The following ZDHHC21 variants were observed in gnomAD, a reference collection of about 807,000 sequenced individuals.
ZDHHC21 encodes the protein palmitoyltransferase ZDHHC21.
A neutral mutation model predicts 34.6 loss-of-function variants in ZDHHC21; 15 were observed. The observed-to-expected ratio is 0.43, with a 90% confidence interval of 0.29 to 0.67. The LOEUF is 0.67. Among genes scored for constraint, ZDHHC21 ranks in the 30% least tolerant of loss-of-function variants. The probability of loss-of-function intolerance (pLI) is 0.14; values close to 1 mark genes in which losing one functional copy is unlikely to be tolerated. For synonymous variants in ZDHHC21, 142 were observed against 101.8 expected (o/e 1.40, Z -2.38); for missense variants, 344 against 327.7 (o/e 1.05, Z -0.38).
intron 2 of ZDHHC21, among the ~76,000 whole-genome samples, chr9:14,680,475 C>A (rs1837177748): frequency 6.6e-6 from 1 of 152,090 alleles, no homozygotes; most frequent in Admixed American, 6.6e-5. Context: ...TCCTTGACCA[C>A]AAATCACAAA....
Position 14,628,510 on chromosome 9 carries a change from AGTTTAC to A in ZDHHC21, c.622-8834_622-8829del, listed in dbSNP as rs560165397. 8.5e-5 allele frequency among the ~76,000 whole-genome samples: 13 copies of A among 152,318 alleles called. No homozygotes were observed. The South Asian group carries it at 2.5e-3, about 29-fold the overall frequency. On this transcript the variant is annotated intron_variant, in intron 8 of 9. Coordinates refer to ENST00000380916, the MANE Select transcript of ZDHHC21 (RefSeq NM_178566.6). The stretch of plus-strand genomic sequence containing the variant: ...CTATATTCAAGCTATGCAATAAAAT[AGTTTAC>A]GTAATGAAATGATATCCGTATCAGT...
chr9:14,625,333 A>G (rs1490008684), intron 8 of ZDHHC21, among the ~76,000 whole-genome samples: 1 of 152,056 alleles, frequency 6.6e-6, no homozygotes, highest in East Asian at 1.9e-4. Flanking sequence ...AAGACCAGCT[A>G]TGTCTTTTAT....
Position 14,662,308 on chromosome 9 carries a change from A to G in ZDHHC21, c.272T>C (p.Leu91Ser), listed in dbSNP as rs1164635039. The change falls in exon 6 of 10, where the codon TTA becomes TCA. Residue 91 changes from leucine to serine, a missense_variant. Leu to Ser is a moderately radical substitution (Grantham distance 145). Transcript: ENST00000380916. ...TCTCATCAAATTACACTTGTTACATAATTCCCAGAACTCCCTTTCTAAAGA... is the reference window on the plus strand; with the variant it reads ...TCTCATCAAATTACACTTGTTACATGATTCCCAGAACTCCCTTTCTAAAGA... Reference protein sequence around the residue: ...IPHGEREFWELCNKCNLMRPK... With the variant: ...IPHGEREFWESCNKCNLMRPK... The G allele has an allele frequency of 6.2e-7, 1 of 1,609,274 alleles. No individual in the cohort carries two copies. The highest frequency in any genetic ancestry group is 8.5e-7 in the Non-Finnish European group (1 of 1,178,402).
In ZDHHC21 at chr9:14,639,842, T is replaced by A. The variant is rs145343598; in HGVS notation, c.621+54A>T. On this transcript the variant is annotated intron_variant, in intron 8 of 9. Transcript: ENST00000380916. ...TTCCTATAACTTTTGAGAATTACAT[T>A]CATAATTAGGTAATATATTCATAAA... 7.6e-4 allele frequency: 802 copies of A among 1,059,404 alleles called. 9 individuals are homozygous for A. The African/African-American group carries it at 0.011, about 15-fold the overall frequency. 65.6% of individuals were successfully genotyped at this position (1,059,404 alleles called of 1,614,324 possible).
chr9:14,589,974 A>G, the ZDHHC21 span: 4 of 152,254 alleles, frequency 2.6e-5, no homozygotes, highest in South Asian at 2.1e-4. Context: ...AAGTTAGTCA[A>G]TAAAAACAGA....
At chr9:14,686,162 C>T (rs550546573) in intron 2 of ZDHHC21, among the ~76,000 whole-genome samples, 4 of 151,368 alleles carry the variant, frequency 2.6e-5, no homozygotes, top group Admixed American at 2.0e-4. Context: ...ATGTAACAAA[C>T]CTGCATGTTG....
chr9:14,624,710 G>A (rs1371422992), intron 8 of ZDHHC21, among the ~76,000 whole-genome samples: 4 of 152,022 alleles, frequency 2.6e-5, no homozygotes, highest in African/African-American at 9.7e-5. Flanking sequence ...TTAGAAAGGA[G>A]TAATAAATTG....
At chr9:14,652,468 T>A (rs1351241334) in intron 7 of ZDHHC21, among the ~76,000 whole-genome samples, 2 of 151,990 alleles carry the variant, frequency 1.3e-5, no homozygotes, top group Non-Finnish European at 2.9e-5. Context: ...GGTAAAAACA[T>A]ATAAATCTTT....
Position 14,687,434 on chromosome 9 carries a change from G to C in ZDHHC21, c.-176+2903C>G, listed in dbSNP as rs1403552094. ...GCCTGTAATCCCAGCACTTTAGGAG[G>C]CCAAGGTGGGCAGATCATCTGAGGT... On this transcript the variant is annotated intron_variant, in intron 2 of 9. Transcript: ENST00000380916. Among the ~76,000 whole-genome samples, 3 of 150,758 alleles carry C rather than the reference G, an allele frequency of 2.0e-5. No individual in the cohort carries two copies. The East Asian group carries it at 5.8e-4, about 29-fold the overall frequency.
rs938361330 is a variant in ZDHHC21 at position 14,614,743 on chromosome 9, G to A, written c.*4223C>T. On this transcript the variant is annotated 3_prime_UTR_variant, in exon 10 of 10. Transcript: ENST00000380916. ...CAAGTAGAACACATTAAATGTACAT[G>A]GCTTATTTGCTACACTTACCAATAC... The A allele has an allele frequency of 1.3e-5, 2 of 151,614 alleles. No homozygotes were observed. Among genetic ancestry groups the A allele is most frequent in the African/African-American group, 4.8e-5 (2 of 41,388 alleles). The allele number at this position is 151,614 out of a possible 1,614,324, so 9.4% of individuals were successfully genotyped here.
At chr9:14,684,031 A>G (rs907867018) in intron 2 of ZDHHC21, among the ~76,000 whole-genome samples, 3 of 152,246 alleles carry the variant, frequency 2.0e-5, no homozygotes, top group Admixed American at 6.5e-5. Flanking sequence ...TTAATAAATT[A>G]GGTATTGAAG....
At chr9:14,688,238 T>C (rs1246360928) in intron 2 of ZDHHC21, among the ~76,000 whole-genome samples, 1 of 150,948 alleles carries the variant, frequency 6.6e-6, no homozygotes, top group African/African-American at 2.5e-5. Flanking sequence ...GATAAAAATG[T>C]CAACTTACAC....
intron 7 of ZDHHC21, among the ~76,000 whole-genome samples, chr9:14,646,378 T>C (rs1486341363): frequency 6.6e-6 from 1 of 152,094 alleles, no homozygotes; most frequent in Non-Finnish European, 1.5e-5. Context: ...AACAGTGAAA[T>C]ACAGAATATA....
intron 7 of ZDHHC21, among the ~76,000 whole-genome samples, chr9:14,651,371 A>G (rs1487075985): frequency 6.6e-6 from 1 of 151,904 alleles, no homozygotes; most frequent in African/African-American, 2.4e-5. Flanking sequence ...AAAAAGTAGT[A>G]TTGAATGGGA....
In ZDHHC21 at chr9:14,616,847, G is replaced by A. The variant is rs981675483; in HGVS notation, c.*2119C>T. On this transcript the variant is annotated 3_prime_UTR_variant, in exon 10 of 10. Transcript: ENST00000380916. The stretch of plus-strand genomic sequence containing the variant: ...TAATTTAGGGGAACTGAGTACAGAG[G>A]GATCAGGACCAGGAAAGGTAAAGAG... 2.0e-5 allele frequency: 3 copies of A among 151,730 alleles called. No homozygotes were observed. The highest frequency in any genetic ancestry group is 4.1e-4 in the South Asian group (2 of 4,822). 9.4% of individuals were successfully genotyped at this position (151,730 alleles called of 1,614,324 possible).
intron 3 of ZDHHC21, among the ~76,000 whole-genome samples, chr9:14,678,431 G>GA (rs947081094): frequency 1.3e-5 from 2 of 151,704 alleles, no homozygotes; most frequent in Non-Finnish European, 2.9e-5. Flanking sequence ...TTCACAAAGG[G>GA]AAAAAAATCC....
chr9:14,639,939 C>T lies in ZDHHC21; in HGVS notation c.578G>A (p.Gly193Glu). Residue 193 changes from glycine to glutamate, a missense_variant, in exon 8 of 10, where the codon GGA becomes GAA. Physicochemically the swap from Gly to Glu is moderately conservative, Grantham distance 98. Coordinates refer to ENST00000380916, the MANE Select transcript of ZDHHC21 (RefSeq NM_178566.6). ...AAFMGITMLV[G>E]ITGLFYTQLI... ...TTGAGTGTAAAAGAGTCCAGTTATT[C>T]CAACTAACATAGTAATGCCCATAAA... 2 of 1,607,284 alleles carry T rather than the reference C, an allele frequency of 1.2e-6. No individual in the cohort carries two copies. The highest frequency in any genetic ancestry group is 1.7e-6 in the Non-Finnish European group (2 of 1,176,202).
chr9:14,646,405 T>G (rs921264984), intron 7 of ZDHHC21, among the ~76,000 whole-genome samples: 2 of 152,164 alleles, frequency 1.3e-5, no homozygotes, highest in African/African-American at 4.8e-5. Context: ...CTTTTATTAA[T>G]TTTAGAAAAC....
At chr9:14,665,615 T>A (rs1406561281) in intron 5 of ZDHHC21, among the ~76,000 whole-genome samples, 4 of 143,972 alleles carry the variant, frequency 2.8e-5, no homozygotes, top group Non-Finnish European at 6.1e-5. Context: ...CGGGTTACCC[T>A]CAAAGGGAAG....
Sources: gnomAD v4.1 joint callset for allele counts (sites outside exome capture counted in the v4.1 genomes callset) on GRCh38, gnomAD v4.1.1 for gene constraint, MANE v1.5 for transcripts, NCBI Gene and HGNC (gene_info 2026-07-23, HGNC 2026-07-21) for gene names.